GLYATL1: variants seen among roughly 807,000 people sequenced by gnomAD.
GLYATL1 encodes glycine N-acyltransferase-like protein 1.
Under a neutral mutation model 20.0 loss-of-function variants are expected in GLYATL1, and 15 were observed. The ratio of observed to expected loss-of-function variants is 0.75; its 90% CI spans 0.50 to 1.15. GLYATL1 has a LOEUF of 1.15. Among genes scored for constraint, GLYATL1 ranks in the 50% most tolerant of loss-of-function variants. The probability of loss-of-function intolerance (pLI) is 0.00; values close to 1 mark genes in which losing one functional copy is unlikely to be tolerated. For synonymous variants in GLYATL1, 151 were observed against 131.5 expected, an observed-to-expected ratio of 1.15 and a Z score of -1.01; for missense variants, 380 against 368.5, an observed-to-expected ratio of 1.03 and a Z score of -0.26.
intron 1 of GLYATL1, among the ~76,000 whole-genome samples, chr11:58,906,591 C>A (rs766528662): frequency 6.6e-6 from 1 of 152,148 alleles, no homozygotes; most frequent in African/African-American, 2.4e-5. Flanking sequence ...CAGTCTCATT[C>A]TTTCTGTTGC....
chr11:58,916,578 T>C (rs1855177732), intron 1 of GLYATL1, among the ~76,000 whole-genome samples: 1 of 152,180 alleles, frequency 6.6e-6, no homozygotes, highest in Non-Finnish European at 1.5e-5. Flanking sequence ...CAGTGCAATC[T>C]GGGACTGGCA....
rs1200401338 is a variant in GLYATL1, at chr11:58,947,838, C to G, written c.79-20C>G. ...TCTGGGGATCTCAACCTCTCCTGGT[C>G]CCTTTCATCCCTCCTTCAGGTGTAT... On this transcript the variant is annotated intron_variant, in intron 3 of 6. Transcript: ENST00000532726. The G allele has an allele frequency of 6.6e-7, 1 of 1,519,384 alleles. No homozygotes were observed. The highest frequency in any genetic ancestry group is 9.1e-7 in the Non-Finnish European group (1 of 1,093,648). The allele number at this position is 1,519,384 out of a possible 1,614,324, so 94.1% of individuals were successfully genotyped here. A position where few individuals can be genotyped will look rare whatever the true frequency, so the allele number is the denominator to read the frequency against.
chr11:58,945,027 TATATATA>T (rs1199610656), intron 2 of GLYATL1, among the ~76,000 whole-genome samples: 1 of 65,050 alleles, frequency 1.5e-5, no homozygotes, highest in Admixed American at 2.3e-4. Flanking sequence ...ATATATAAAA[TATATATA>T]TTATATATAG....
chr11:58,915,556 C>T (rs936749143), intron 1 of GLYATL1, among the ~76,000 whole-genome samples: 1 of 151,842 alleles, frequency 6.6e-6, no homozygotes, highest in African/African-American at 2.4e-5. Context: ...CAAAGCCTGG[C>T]CCCTGGGCCA....
At chr11:58,948,165 GGGT>G (rs1856717954) in intron 4 of GLYATL1, among the ~76,000 whole-genome samples, 200 bp downstream of exon 4, 1 of 152,198 alleles carries the variant, frequency 6.6e-6, no homozygotes, top group Non-Finnish European at 1.5e-5. Context: ...CTGGGAAAGG[GGGT>G]GGAGGAGGAA....
chr11:58,911,695 T>C (rs1337047000), downstream of GLYATL1, among the ~76,000 whole-genome samples: 1 of 152,252 alleles, frequency 6.6e-6, no homozygotes, highest in Non-Finnish European at 1.5e-5. Context: ...TTACATATTT[T>C]GGAAACAAGT....
rs553669624 is a variant in GLYATL1 at position 58,943,362 on chromosome 11, C to A, written c.-166-181C>A. ...GTAACCAATCTCTTTGTTTCTGTACCTGATTTCTGGTTCCTGTACATCACT... is the reference window on the plus strand; with the variant it reads ...GTAACCAATCTCTTTGTTTCTGTACATGATTTCTGGTTCCTGTACATCACT... On this transcript the variant is annotated intron_variant, in intron 1 of 6. Coordinates refer to ENST00000532726, the MANE Select transcript of GLYATL1 (RefSeq NM_001389712.2). The A allele has an allele frequency of 8.4e-6, 13 of 1,547,244 alleles. No homozygotes were observed. In the African/African-American group the frequency reaches 1.4e-4, roughly 16 times the overall value.
chr11:58,921,019 G>C (rs2135113694), intron 1 of GLYATL1, among the ~76,000 whole-genome samples: 1 of 152,294 alleles, frequency 6.6e-6, no homozygotes, highest in South Asian at 2.1e-4. Context: ...AGTTAGGTCT[G>C]GCAGTCCCAA....
chr11:58,909,970 A>T (rs1412268140), downstream of GLYATL1, among the ~76,000 whole-genome samples: 1 of 152,134 alleles, frequency 6.6e-6, no homozygotes, highest in African/African-American at 2.4e-5. Flanking sequence ...ATAGTGGCAA[A>T]CAGAGCTGCA....
exon 2 of GLYATL1, chr11:58,908,021 T>C (rs1854947723): frequency 6.5e-6 from 1 of 152,922 alleles, no homozygotes; most frequent in Non-Finnish European, 1.5e-5. Flanking sequence ...CTGTTCCTTT[T>C]CAACAGTTTC....
upstream of GLYATL1, among the ~76,000 whole-genome samples, chr11:58,926,645 G>A (rs1033674411): frequency 6.6e-6 from 1 of 152,096 alleles, no homozygotes; most frequent in African/African-American, 2.4e-5. Context: ...ATTGCAATAC[G>A]GCTTTGAATT....
At chr11:58,924,606 A>C (rs1178263988), upstream of GLYATL1, among the ~76,000 whole-genome samples, 1 of 152,192 alleles carries the variant, frequency 6.6e-6, no homozygotes, top group Non-Finnish European at 1.5e-5. Flanking sequence ...TTTTGATTTC[A>C]GATTGCAGAT....
chr11:58,922,785 C>T (rs1855339113), upstream of GLYATL1, among the ~76,000 whole-genome samples: 1 of 152,182 alleles, frequency 6.6e-6, no homozygotes, highest in Non-Finnish European at 1.5e-5. Context: ...GACAGGTTTG[C>T]AGCCATGCTG....
intron 1 of GLYATL1, among the ~76,000 whole-genome samples, chr11:58,920,098 A>G (rs1855272657): frequency 6.6e-6 from 1 of 152,104 alleles, no homozygotes; most frequent in Non-Finnish European, 1.5e-5. Context: ...CAGAGCTGCC[A>G]TTGCTGCCTG....
chr11:58,953,713 G>A (rs946617234), intron 4 of GLYATL1, among the ~76,000 whole-genome samples: 10 of 152,062 alleles, frequency 6.6e-5, no homozygotes, highest in African/African-American at 1.9e-4. Context: ...ATTCACTGAC[G>A]TTTTGGGTTT....
chr11:58,933,559 G>T (rs940475005), intron 1 of GLYATL1: 1 of 152,048 alleles, frequency 6.6e-6, no homozygotes, highest in Admixed American at 6.5e-5. Flanking sequence ...GCTATTCAAT[G>T]ACAATTATTT....
chr11:58,925,368 C>T (rs977407842), upstream of GLYATL1, among the ~76,000 whole-genome samples: 1 of 152,172 alleles, frequency 6.6e-6, no homozygotes, highest in Admixed American at 6.5e-5. Flanking sequence ...GCATGAATCC[C>T]TTTTATAACA....
At position 58,956,393 on chromosome 11, in the gene GLYATL1, T is replaced by C. The variant is rs746777726; in HGVS notation, c.*366T>C. ...ATAAATGAAGGATTTTAATAAAATT[T>C]TCAATAGAATAAACCTAATCTGTAT... On this transcript the variant is annotated 3_prime_UTR_variant, in exon 7 of 7. Transcript: ENST00000532726. 7.0e-4 allele frequency: 151 copies of C among 217,196 alleles called. No individual in the cohort carries two copies. The highest frequency in any genetic ancestry group is 9.2e-4 in the Non-Finnish European group (99 of 107,918). The allele number at this position is 217,196 out of a possible 1,614,324, so 13.5% of individuals were successfully genotyped here. A position where few individuals can be genotyped will look rare whatever the true frequency, so the allele number is the denominator to read the frequency against.
chr11:58,916,061 C>T (rs1855164233), intron 1 of GLYATL1, among the ~76,000 whole-genome samples: 1 of 152,202 alleles, frequency 6.6e-6, no homozygotes. Flanking sequence ...ACCACCACTA[C>T]CACATACTTT....
Sources: allele counts gnomAD v4.1 joint callset (sites outside exome capture counted in the v4.1 genomes callset), GRCh38; gene constraint gnomAD v4.1.1; transcripts MANE v1.5; gene names NCBI Gene and HGNC (gene_info 2026-07-23, HGNC 2026-07-21).